Variants in KIFAP3 observed in about 807,000 individuals in gnomAD.
KIFAP3 encodes kinesin associated protein 3.
In KIFAP3, 68 loss-of-function variants were observed where a neutral mutation model predicts 106.5. The observed-to-expected ratio is 0.64, with a 90% confidence interval of 0.53 to 0.78. The LOEUF (loss-of-function observed/expected upper bound fraction) is 0.78. Among genes scored for constraint, KIFAP3 ranks in the 30% least tolerant of loss-of-function variants. KIFAP3 has a pLI of 0.00. For synonymous variants in KIFAP3, 320 were observed against 311.5 expected (o/e 1.03, Z -0.29); for missense variants, 780 against 941.8 (o/e 0.83, Z 2.25).
At chr1:170,016,673 G>T in intron 9 of KIFAP3, 49 bp from the exon 10 acceptor site, 1 of 1,115,362 alleles carries the variant, frequency 9.0e-7, no homozygotes, top group East Asian at 2.8e-5. Context: ...TGCAAAATAG[G>T]ACAAAAAGAA....
At chr1:169,932,039 C>A (rs1391208265) in intron 19 of KIFAP3, among the ~76,000 whole-genome samples, 1 of 152,100 alleles carries the variant, frequency 6.6e-6, no homozygotes, top group Non-Finnish European at 1.5e-5. Context: ...ACAAATATTT[C>A]TTTTTCCTAT....
At chr1:169,934,232 C>T (rs1571516418) in intron 19 of KIFAP3, among the ~76,000 whole-genome samples, 1 of 152,156 alleles carries the variant, frequency 6.6e-6, no homozygotes, top group African/African-American at 2.4e-5. Context: ...TATGCCTCCA[C>T]ATAAACATAC....
intron 1 of KIFAP3, among the ~76,000 whole-genome samples, chr1:170,084,044 TA>T (rs1672062409): frequency 6.6e-6 from 1 of 152,092 alleles, no homozygotes; most frequent in South Asian, 2.1e-4. Context: ...AGAGAAAGAG[TA>T]CAAAGATGCC....
chr1:170,004,294 T>C (rs1005442411), intron 10 of KIFAP3, among the ~76,000 whole-genome samples: 3 of 152,168 alleles, frequency 2.0e-5, no homozygotes, highest in Middle Eastern at 3.2e-3. Context: ...AGGTAATTTA[T>C]AGATTCAATG....
intron 1 of KIFAP3, among the ~76,000 whole-genome samples, chr1:170,064,804 T>C (rs534346693): frequency 2.0e-5 from 3 of 152,236 alleles, no homozygotes; most frequent in African/African-American, 4.8e-5. Flanking sequence ...TTCATAAATA[T>C]ACTACATCAA....
At chr1:169,961,721 G>T (rs1410287660) in intron 17 of KIFAP3, among the ~76,000 whole-genome samples, 1 of 152,034 alleles carries the variant, frequency 6.6e-6, no homozygotes, top group Non-Finnish European at 1.5e-5. Context: ...TGATGATGAA[G>T]ATCTTTATGA....
intron 19 of KIFAP3, among the ~76,000 whole-genome samples, chr1:169,950,931 T>C (rs1664696051): frequency 2.0e-5 from 3 of 151,932 alleles, no homozygotes; most frequent in African/African-American, 4.8e-5. Flanking sequence ...AATCTTTGAA[T>C]TGAAAAATAT....
At chr1:169,953,653 T>C (rs1173387026) in intron 19 of KIFAP3, among the ~76,000 whole-genome samples, 5 of 152,042 alleles carry the variant, frequency 3.3e-5, no homozygotes, top group Admixed American at 3.3e-4. Flanking sequence ...TAGCTGGGAC[T>C]ACAGGAGCCC....
rs186561904 is a variant in KIFAP3 at position 170,008,045 on chromosome 1, T to C, written c.1183+8417A>G. On this transcript the variant is annotated intron_variant, in intron 10 of 19. Transcript: ENST00000361580. ...AGGATTCCCTATTTAATAAATGGTG[T>C]TGGGAAAACTGGCTAGCCATATGCA... 9.4e-3 allele frequency among the ~76,000 whole-genome samples: 1,413 copies of C among 150,422 alleles called. 17 individuals carry two copies. The highest frequency in any genetic ancestry group is 0.049 in the South Asian group (223 of 4,540).
chr1:170,028,357 G>C (rs1254593554), intron 8 of KIFAP3, among the ~76,000 whole-genome samples: 1 of 151,188 alleles, frequency 6.6e-6, no homozygotes, highest in Non-Finnish European at 1.5e-5. Flanking sequence ...TTTTTTTTCT[G>C]AGACGGAGTC....
At chr1:169,935,137 G>T (rs566942138) in intron 19 of KIFAP3, among the ~76,000 whole-genome samples, 2 of 151,798 alleles carry the variant, frequency 1.3e-5, no homozygotes, top group Middle Eastern at 3.4e-3. Context: ...AATATTTTTT[G>T]ACTTTTAAGA....
chr1:170,076,103 G>T (rs1671899702), upstream of KIFAP3, among the ~76,000 whole-genome samples: 1 of 152,120 alleles, frequency 6.6e-6, no homozygotes, highest in Non-Finnish European at 1.5e-5. Context: ...ATGTAAGTTA[G>T]CTCCTTGAGC....
chr1:170,084,092 C>T (rs999334656), intron 1 of KIFAP3, among the ~76,000 whole-genome samples: 1 of 152,112 alleles, frequency 6.6e-6, no homozygotes, highest in Non-Finnish European at 1.5e-5. Context: ...GACGAATAAT[C>T]CCAATGATAC....
chr1:170,025,140 C>T (rs1026659134), intron 8 of KIFAP3, among the ~76,000 whole-genome samples: 1 of 152,050 alleles, frequency 6.6e-6, no homozygotes, highest in Non-Finnish European at 1.5e-5. Flanking sequence ...TAAGAAAAGA[C>T]CTTATGAAAT....
At chr1:169,981,837 TCTTG>T in intron 15 of KIFAP3, 131 bp downstream of exon 15, 1 of 672,022 alleles carries the variant, frequency 1.5e-6, no homozygotes, top group Non-Finnish European at 2.5e-6. Flanking sequence ...AATTCATTTT[TCTTG>T]ATTATATAAG....
At chr1:169,976,075 T>C (rs898276547) in intron 16 of KIFAP3, among the ~76,000 whole-genome samples, 4 of 152,168 alleles carry the variant, frequency 2.6e-5, no homozygotes, top group Non-Finnish European at 5.9e-5. Context: ...GTACTAAATG[T>C]ACATTTTAAA....
At chr1:169,953,983 A>G in intron 19 of KIFAP3, 28 bp downstream of exon 19, 9 of 1,492,906 alleles carry the variant, frequency 6.0e-6, no homozygotes, top group Non-Finnish European at 8.4e-6. Flanking sequence ...GATACTACAC[A>G]TTAGATTTTT....
chr1:170,024,276 C>A (rs891197933), intron 9 of KIFAP3, 142 bp downstream of exon 9: 2 of 501,440 alleles, frequency 4.0e-6, no homozygotes, highest in Admixed American at 7.7e-5. Context: ...CTTAATGAAG[C>A]AATATCAGTG....
At chr1:169,971,286 T>C (rs1665906786) in intron 17 of KIFAP3, among the ~76,000 whole-genome samples, 1 of 152,056 alleles carries the variant, frequency 6.6e-6, no homozygotes, top group Non-Finnish European at 1.5e-5. Flanking sequence ...AGAAGTTTTT[T>C]GTTCTTATAC....
Sources: allele counts gnomAD v4.1 joint callset (sites outside exome capture counted in the v4.1 genomes callset), GRCh38; gene constraint gnomAD v4.1.1; transcripts MANE v1.5; gene names NCBI Gene and HGNC (gene_info 2026-07-23, HGNC 2026-07-21).